Variants in VRK2 observed in about 807,000 individuals in gnomAD.
The protein encoded by VRK2 is serine/threonine-protein kinase VRK2.
VRK2 carries 60 observed loss-of-function variants against 57.6 expected under a neutral mutation model. The ratio of observed to expected loss-of-function variants is 1.04; its 90% CI spans 0.85 to 1.29. The LOEUF is 1.29. Ranked by LOEUF, VRK2 falls within the 50% of genes most tolerant of loss-of-function variation. VRK2 has a pLI of 0.00. For missense variants in VRK2, 705 were observed against 588.1 expected, an observed-to-expected ratio of 1.20 and a Z score of -2.06; for synonymous variants, 231 against 199.2, an observed-to-expected ratio of 1.16 and a Z score of -1.35.
chr2:58,090,168 A>T (rs1355417261), intron 7 of VRK2, among the ~76,000 whole-genome samples: 1 of 151,734 alleles, frequency 6.6e-6, no homozygotes, highest in Non-Finnish European at 1.5e-5. Flanking sequence ...GGCCGAGGTG[A>T]GTGGATCACC....
intron 1 of VRK2, among the ~76,000 whole-genome samples, chr2:58,017,477 C>T (rs1673620921): frequency 3.3e-5 from 5 of 152,264 alleles, no homozygotes; most frequent in South Asian, 4.1e-4. Flanking sequence ...ATCCCATCCG[C>T]GCAGATTTTG....
chr2:58,110,729 C>T (rs546125700), intron 7 of VRK2, among the ~76,000 whole-genome samples: 4 of 152,120 alleles, frequency 2.6e-5, no homozygotes, highest in East Asian at 1.9e-4. Context: ...GCTTCCAGAG[C>T]GGGATGTTGA....
intron 2 of VRK2, among the ~76,000 whole-genome samples, chr2:58,062,667 G>A (rs984244651): frequency 1.3e-5 from 2 of 152,092 alleles, no homozygotes; most frequent in African/African-American, 4.8e-5. Context: ...TCCAGAGCAA[G>A]CTCCTAACTC....
upstream of VRK2, chr2:58,046,627 G>T (rs1025168814): frequency 5.7e-5 from 56 of 985,484 alleles, no homozygotes; most frequent in Admixed American, 1.2e-4. Flanking sequence ...TCCTTCCCCT[G>T]GGCGTCTCCG....
intron 2 of VRK2, among the ~76,000 whole-genome samples, chr2:58,051,744 T>C (rs147026780): frequency 2.6e-5 from 4 of 152,320 alleles, no homozygotes; most frequent in African/African-American, 9.6e-5. Context: ...GGCCTTTCGG[T>C]AATCAGCAGC....
At position 58,146,491 on chromosome 2, in the gene VRK2, T is replaced by G; in HGVS notation, c.1182+17T>G. 1.3e-6 allele frequency: 2 copies of G among 1,597,546 alleles called. No individual in the cohort carries two copies. Among genetic ancestry groups the G allele is most frequent in the Non-Finnish European group, 1.7e-6 (2 of 1,172,474 alleles). On this transcript the variant is annotated intron_variant, in intron 12 of 12. Transcript: ENST00000340157. ...GCAGCTCAGGTGAGAGGGTTGTTTG[T>G]GTGTGTTTTTTCTAACTTAATGTTA...
chr2:58,159,287 A>AAAAT, intron 12 of VRK2, 62 bp from the exon 13 acceptor site: 1 of 1,336,534 alleles, frequency 7.5e-7, no homozygotes. Flanking sequence ...CACACTACAC[A>AAAAT]AAATAAATAC....
At chr2:58,056,141 T>A (rs1676488003) in intron 2 of VRK2, among the ~76,000 whole-genome samples, 1 of 151,870 alleles carries the variant, frequency 6.6e-6, no homozygotes, top group South Asian at 2.1e-4. Context: ...TAATCATATC[T>A]TCTAAATGCT....
At position 58,084,867 on chromosome 2, in the gene VRK2, TC is replaced by T. The variant is rs1671400187; in HGVS notation, c.187-13del. On this transcript the variant is annotated splice_polypyrimidine_tract_variant and intron_variant, in intron 3 of 12. Coordinates refer to ENST00000340157, the MANE Select transcript of VRK2 (RefSeq NM_006296.7). ...ATTTTTTTCTAGTAAAATTAATTAT[TC>T]TTTTTTTTATAGGAATATCAAGAAA... 1 of 1,470,470 alleles carries T rather than the reference TC, an allele frequency of 6.8e-7. No homozygotes were observed. Among genetic ancestry groups the T allele is most frequent in the Middle Eastern group, 1.9e-4 (1 of 5,246 alleles). The allele number at this position is 1,470,470 out of a possible 1,614,324, so 91.1% of individuals were successfully genotyped here. A position where few individuals can be genotyped will look rare whatever the true frequency, so the allele number is the denominator to read the frequency against.
intron 2 of VRK2, among the ~76,000 whole-genome samples, chr2:58,054,738 A>G (rs1013995186): frequency 2.0e-5 from 3 of 152,128 alleles, no homozygotes; most frequent in African/African-American, 7.2e-5. Flanking sequence ...ACTTAAAGGC[A>G]TTTATGGTTT....
chr2:58,151,754 T>G (rs1300172840), intron 12 of VRK2, among the ~76,000 whole-genome samples: 2 of 124,528 alleles, frequency 1.6e-5, no homozygotes, highest in African/African-American at 3.1e-5. Context: ...TTTTTTTTTT[T>G]TTTTTTTTTT....
In VRK2 at chr2:57,949,889, T is replaced by C. The variant is rs376570422; in HGVS notation, c.-439+42050T>C. ...AAATGATAAGAATGTGAAACAGCCT[T>C]ATTGCTGATAAGAAGAAAGTTTGAG... On this transcript the variant is annotated intron_variant, in intron 1 of 15. Coordinates refer to the VRK2 transcript ENST00000417641. Among the ~76,000 whole-genome samples the C allele has an allele frequency of 3.5e-4, 53 of 152,354 alleles. 1 individual carries two copies. In the South Asian group the frequency reaches 0.01, roughly 30 times the overall value.
At chr2:58,028,875 T>G (rs990563303) in intron 2 of VRK2, among the ~76,000 whole-genome samples, 2 of 125,672 alleles carry the variant, frequency 1.6e-5, no homozygotes, top group Non-Finnish European at 3.2e-5. Flanking sequence ...CCCTAGAACT[T>G]AAAGTATAAT....
At chr2:57,994,045 G>A (rs552800191) in intron 1 of VRK2, among the ~76,000 whole-genome samples, 75 of 152,332 alleles carry the variant, frequency 4.9e-4, no homozygotes, top group African/African-American at 1.6e-3. Context: ...ATGCTACCAT[G>A]ATAAAGGCTC....
intron 1 of VRK2, among the ~76,000 whole-genome samples, chr2:58,008,894 T>C (rs1209919416): frequency 6.6e-6 from 1 of 152,122 alleles, no homozygotes; most frequent in African/African-American, 2.4e-5. Context: ...CTGGAAAGTT[T>C]AGTTGTCTGA....
chr2:57,911,726 G>A (rs1248992427), intron 1 of VRK2, among the ~76,000 whole-genome samples: 1 of 152,278 alleles, frequency 6.6e-6, no homozygotes, highest in East Asian at 1.9e-4. Context: ...GGATATAATT[G>A]GGGATTCCGT....
intron 1 of VRK2, among the ~76,000 whole-genome samples, chr2:57,933,036 C>T (rs10194044): frequency 0.04 from 6,025 of 151,936 alleles, 171 homozygotes; most frequent in South Asian, 0.11. Flanking sequence ...TGGAAAAGAT[C>T]CTTGATATGG....
chr2:58,047,011 C>T, intron 1 of VRK2, 143 bp downstream of exon 1: 1 of 973,892 alleles, frequency 1.0e-6, no homozygotes, highest in Non-Finnish European at 1.2e-6. Context: ...GCCTCAGCTC[C>T]GGCCCGGGCA....
At chr2:58,126,091 C>G (rs902986027) in intron 8 of VRK2, among the ~76,000 whole-genome samples, 1 of 151,466 alleles carries the variant, frequency 6.6e-6, no homozygotes, top group East Asian at 1.9e-4. Flanking sequence ...TTTTTTCAGT[C>G]CAACTATGAG....
Sources: allele counts gnomAD v4.1 joint callset (sites outside exome capture counted in the v4.1 genomes callset), GRCh38; gene constraint gnomAD v4.1.1; transcripts MANE v1.5; gene names NCBI Gene and HGNC (gene_info 2026-07-23, HGNC 2026-07-21).